IHO1: variants seen among roughly 807,000 people sequenced by gnomAD.
The protein encoded by IHO1 is interactor of HORMAD1 1, also known as interactor of HORMAD1 protein 1.
IHO1 carries 13 observed loss-of-function variants against 31.0 expected under a neutral mutation model. The observed-to-expected ratio is 0.42, with a 90% CI of 0.27 to 0.67. IHO1 has a LOEUF of 0.67. Ranked by LOEUF, IHO1 falls within the 30% of genes least tolerant of loss-of-function variation. The probability of loss-of-function intolerance (pLI) is 0.24; values close to 1 mark genes in which losing one functional copy is unlikely to be tolerated. For synonymous variants in IHO1, 221 were observed against 248.4 expected, an observed-to-expected ratio of 0.89 and a Z score of 1.04; for missense variants, 599 against 687.5, an observed-to-expected ratio of 0.87 and a Z score of 1.44.
chr3:49,215,580 C>G (rs528994050), intron 2 of IHO1, among the ~76,000 whole-genome samples: 57 of 152,290 alleles, frequency 3.7e-4, no homozygotes, highest in African/African-American at 1.3e-3. Flanking sequence ...TCCTGCTGCT[C>G]GCCACACAGA....
chr3:49,229,572 C>A (rs1449531092), intron 2 of IHO1, among the ~76,000 whole-genome samples: 1 of 152,114 alleles, frequency 6.6e-6, no homozygotes, highest in Non-Finnish European at 1.5e-5. Context: ...ACAGATAAGG[C>A]AAAGCAGCTT....
chr3:49,250,171 A>C (rs1455167778), intron 6 of IHO1, among the ~76,000 whole-genome samples: 1 of 152,238 alleles, frequency 6.6e-6, no homozygotes. Flanking sequence ...CACACGTATT[A>C]ATGTAAAATT....
At chr3:49,238,280 A>T in intron 3 of IHO1, among the ~76,000 whole-genome samples, 1 of 151,968 alleles carries the variant, frequency 6.6e-6, no homozygotes, top group East Asian at 1.9e-4. Flanking sequence ...AACTAAATGT[A>T]GTTTTGTTTT....
chr3:49,232,046 G>C (rs2046490149), intron 2 of IHO1, among the ~76,000 whole-genome samples: 1 of 152,192 alleles, frequency 6.6e-6, no homozygotes, highest in Non-Finnish European at 1.5e-5. Context: ...TGCCAATCAG[G>C]AGAGTCTTCT....
At chr3:49,249,865 A>G (rs1171237563) in intron 6 of IHO1, among the ~76,000 whole-genome samples, 1 of 152,228 alleles carries the variant, frequency 6.6e-6, no homozygotes, top group African/African-American at 2.4e-5. Flanking sequence ...CTGAGGGAGA[A>G]TAAAACTACA....
rs555420191 is a variant in IHO1 at position 49,228,526 on chromosome 3, T to C, written c.57-8022T>C. ...CTCACTGCTTGGTGAAGGCCCCACA[T>C]TGGGCGCCAAAATGTGTCCAGAATG... On this transcript the variant is annotated intron_variant, in intron 2 of 7. Transcript: ENST00000452691. Among the ~76,000 whole-genome samples the C allele has an allele frequency of 1.1e-4, 16 of 152,244 alleles. No individual in the cohort carries two copies. The East Asian group carries it at 1.7e-3, about 17-fold the overall frequency.
intron 1 of IHO1, among the ~76,000 whole-genome samples, chr3:49,204,444 C>G (rs1389492989): frequency 6.6e-6 from 1 of 152,124 alleles, no homozygotes; most frequent in African/African-American, 2.4e-5. Flanking sequence ...AGAGGGACAA[C>G]TGTAGTTCCC....
chr3:49,217,563 A>G (rs1207543960), intron 2 of IHO1, among the ~76,000 whole-genome samples: 2 of 151,956 alleles, frequency 1.3e-5, no homozygotes, highest in Non-Finnish European at 2.9e-5. Flanking sequence ...TGATGGGTGC[A>G]GCAAACCAAC....
chr3:49,232,674 C>CG (rs908145844), intron 2 of IHO1, among the ~76,000 whole-genome samples: 1 of 152,148 alleles, frequency 6.6e-6, no homozygotes, highest in Admixed American at 6.5e-5. Context: ...CAACACCCAT[C>CG]GAACACAGCC....
intron 1 of IHO1, among the ~76,000 whole-genome samples, chr3:49,211,355 C>T (rs1486546639): frequency 1.3e-5 from 2 of 152,108 alleles, no homozygotes; most frequent in Non-Finnish European, 2.9e-5. Flanking sequence ...TTGTAGTTTT[C>T]CTCATATAGA....
Position 49,256,992 on chromosome 3 carries a change from C to T in IHO1, c.1495C>T (p.Pro499Ser), listed in dbSNP as rs143009584. 187 of 1,614,204 alleles carry T rather than the reference C, an allele frequency of 1.2e-4. 1 individual carries two copies. In the African/African-American group the frequency reaches 2.0e-3, roughly 17 times the overall value. Residue 499 changes from proline to serine, a missense_variant, in exon 8 of 8, where the codon CCT (proline) becomes TCT (serine). Transcript: ENST00000452691. The surrounding 1 kb of genome is among the most constrained non-coding windows in gnomAD (Gnocchi z 4.6). ...FLGQQEPRAQ[P>S]LHLQCPRSPR... ...GGGGCAGCAGGAACCCCGTGCTCAG[C>T]CTCTGCATCTGCAGTGTCCCAGGAG...
chr3:49,205,929 C>T (rs2046131222), intron 1 of IHO1, among the ~76,000 whole-genome samples: 1 of 151,460 alleles, frequency 6.6e-6, no homozygotes, highest in African/African-American at 2.4e-5. Flanking sequence ...GCCACCACGT[C>T]CAGCTAATTT....
At chr3:49,217,112 A>G (rs867884020) in intron 2 of IHO1, among the ~76,000 whole-genome samples, 1 of 152,234 alleles carries the variant, frequency 6.6e-6, no homozygotes, top group Admixed American at 6.5e-5. Context: ...TAGAAATACC[A>G]TTTGACTCAG....
chr3:49,245,494 A>T (rs900161358), intron 6 of IHO1: 1 of 152,128 alleles, frequency 6.6e-6, no homozygotes, highest in Non-Finnish European at 1.5e-5. Context: ...CCCCATTCTC[A>T]ATTTTACTTA....
At chr3:49,214,510 C>G (rs912825287) in intron 2 of IHO1, among the ~76,000 whole-genome samples, 1 of 131,816 alleles carries the variant, frequency 7.6e-6, no homozygotes, top group African/African-American at 2.9e-5. Context: ...AGTTATCAAT[C>G]GATCAGAAAC....
intron 2 of IHO1, among the ~76,000 whole-genome samples, chr3:49,218,752 G>C (rs2046318264): frequency 6.6e-6 from 1 of 152,192 alleles, no homozygotes; most frequent in Non-Finnish European, 1.5e-5. Flanking sequence ...TATATAACAA[G>C]TGGAGTTATG....
At chr3:49,244,994 C>T (rs2046676976) in intron 6 of IHO1, 1 of 587,848 alleles carries the variant, frequency 1.7e-6, no homozygotes, top group Non-Finnish European at 3.0e-6. Context: ...TGCCTCAGGG[C>T]AGGTAGCTCT....
In IHO1 at chr3:49,256,872, A is replaced by C; in HGVS notation, c.1375A>C (p.Ser459Arg). Residue 459 changes from serine (S) to arginine (R), a missense_variant, in exon 8 of 8, where the codon AGC becomes CGC. Physicochemically the swap from Ser to Arg is moderately radical, Grantham distance 110. Transcript: ENST00000452691. This position sits in a 1 kb window ranked among gnomAD's most constrained non-coding sequence, Gnocchi z 4.6. Reference protein sequence around the residue: ...HRAHRGRLIASKQKQIPIQTC... With the variant: ...HRAHRGRLIARKQKQIPIQTC... ...GGCCCACAGAGGCAGGCTCATAGCCAGCAAGCAAAAACAAATCCCAATCCA... is the reference window on the plus strand; with the variant it reads ...GGCCCACAGAGGCAGGCTCATAGCCCGCAAGCAAAAACAAATCCCAATCCA... 1 of 1,614,256 alleles carries C rather than the reference A, an allele frequency of 6.2e-7. No individual in the cohort carries two copies. Among genetic ancestry groups the C allele is most frequent in the Non-Finnish European group, 8.5e-7 (1 of 1,180,050 alleles).
intron 6 of IHO1, chr3:49,252,251 TA>T: frequency 6.4e-6 from 1 of 157,068 alleles, no homozygotes. Context: ...TTTCTGTTGT[TA>T]TCCATTAGTG....
Sources: allele counts gnomAD v4.1 joint callset (sites outside exome capture counted in the v4.1 genomes callset), GRCh38; gene constraint gnomAD v4.1.1; non-coding constraint Gnocchi (gnomAD v3.1); transcripts MANE v1.5; gene names NCBI Gene and HGNC (gene_info 2026-07-23, HGNC 2026-07-21).